The following PAPLN variants were observed in gnomAD, a reference collection of about 807,000 sequenced individuals.
PAPLN encodes papilin, proteoglycan like sulfated glycoprotein, also known as papilin.
PAPLN carries 146 observed loss-of-function variants against 159.0 expected under a neutral mutation model. That is an observed-to-expected ratio of 0.92 (90% CI 0.80 to 1.05). The LOEUF (loss-of-function observed/expected upper bound fraction) is 1.05, where lower values mean the gene tolerates loss of function less well. Ranked by LOEUF, PAPLN falls within the 50% of genes least tolerant of loss-of-function variation. The pLI is 0.00. For synonymous variants in PAPLN, 734 were observed against 702.9 expected (o/e 1.04, Z -0.70); for missense variants, 1,720 against 1,743.9 (o/e 0.99, Z 0.24).
chr14:73,262,730 G>T lies in PAPLN; in HGVS notation c.2626G>T (p.Gly876Ter). 1 of 1,512,908 alleles carries T rather than the reference G, an allele frequency of 6.6e-7. No individual in the cohort carries two copies. The highest frequency in any genetic ancestry group is 1.4e-5 in the South Asian group (1 of 73,196). The allele number at this position is 1,512,908 out of a possible 1,614,324, so 93.7% of individuals were successfully genotyped here. A position where few individuals can be genotyped will look rare whatever the true frequency, so the allele number is the denominator to read the frequency against. The change falls in exon 19 of 27, where the codon GGA (glycine) becomes TGA (stop). Residue 876 changes from glycine to a stop codon, truncating the protein, a stop_gained. Transcript: ENST00000644200. LOFTEE classifies it high-confidence loss of function. ...PGEAPHTQAF[G>*]EWPWGQELGS... is the part of the protein sequence containing the mutation. ...GGAGGCCCCCCACACCCAGGCCTTT[G>T]GAGAATGGCCATGGGGGCAGGAGCT...
chr14:73,250,717 G>A (rs115894454), intron 6 of PAPLN, among the ~76,000 whole-genome samples, 190 bp from the exon 7 acceptor site: 295 of 152,338 alleles, frequency 1.9e-3, no homozygotes, highest in African/African-American at 6.9e-3. Flanking sequence ...ACCAGAAGGG[G>A]AGATGGGAGC....
chr14:73,243,762 A>G (rs1187348332), intron 2 of PAPLN: 1 of 152,168 alleles, frequency 6.6e-6, no homozygotes, highest in Non-Finnish European at 1.5e-5. Flanking sequence ...AGAGTCCCAA[A>G]TAACAGTTCT....
chr14:73,258,926 C>T lies in PAPLN; in HGVS notation c.1628-53C>T. 2.0e-6 allele frequency: 3 copies of T among 1,521,440 alleles called. No individual in the cohort carries two copies. In the Admixed American group the frequency reaches 5.9e-5, roughly 30 times the overall value. 94.2% of individuals were successfully genotyped at this position (1,521,440 alleles called of 1,614,324 possible). A position where few individuals can be genotyped will look rare whatever the true frequency, so the allele number is the denominator to read the frequency against. ...GGGCAGGGCTGGCCACAGCTCAGGT[C>T]CATCCTCTCTTCCTCCCTCTCCGTC... On this transcript the variant is annotated intron_variant, in intron 14 of 26. Transcript: ENST00000644200.
Position 73,268,714 on chromosome 14 carries a change from G to A in PAPLN, c.3658G>A (p.Val1220Ile). 1 of 1,610,772 alleles carries A rather than the reference G, an allele frequency of 6.2e-7. No individual in the cohort carries two copies. Among genetic ancestry groups the A allele is most frequent in the Non-Finnish European group, 8.5e-7 (1 of 1,178,432 alleles). Residue 1220 changes from valine to isoleucine, a missense_variant, in exon 26 of 27, where the codon GTC (valine) becomes ATC (isoleucine). Physicochemically the swap from Val to Ile is conservative, Grantham distance 29. Transcript: ENST00000644200. Reference protein sequence around the residue: ...AVSRSTEVKVVSPAPTAQPRD... With the variant: ...AVSRSTEVKVISPAPTAQPRD... ...CAGCCGCAGCACCGAGGTGAAGGTG[G>A]TCTCACCAGGTAGGAAAGGTCTATA...
rs188222088 is a variant in PAPLN at position 73,265,380 on chromosome 14, G to A, written c.3136G>A (p.Asp1046Asn). Residue 1046 changes from aspartate (D) to asparagine (N), a missense_variant, in exon 23 of 27, where the codon GAC (aspartate) becomes AAC (asparagine). Physicochemically the swap from Asp to Asn is conservative, Grantham distance 23. Transcript: ENST00000644200. The surrounding 1 kb of genome is among the most constrained non-coding windows in gnomAD (Gnocchi z 4.1). ...HPQPANRLRL[D>N]QNQPRVVDAS... is the part of the protein sequence containing the mutation. Reference sequence around the variant, plus strand: ...CTGCTTGTTTGGCAGGCTGCGTTTGGACCAGAACCAGCCCCGGGTGGTGGA... The same window carrying A: ...CTGCTTGTTTGGCAGGCTGCGTTTGAACCAGAACCAGCCCCGGGTGGTGGA... The A allele has an allele frequency of 1.9e-5, 30 of 1,609,980 alleles. No individual in the cohort carries two copies. In the African/African-American group the frequency reaches 2.9e-4, roughly 16 times the overall value.
intron 18 of PAPLN, among the ~76,000 whole-genome samples, chr14:73,261,518 G>C (rs935959503): frequency 3.9e-5 from 6 of 152,374 alleles, no homozygotes; most frequent in Non-Finnish European, 8.8e-5. Context: ...TGGGAACTGG[G>C]GAGGGTGGGA....
Position 73,250,205 on chromosome 14 carries a change from C to G in PAPLN, c.465+91C>G, listed in dbSNP as rs373910946. Reference sequence around the variant, plus strand: ...GTCCATCACCCATAGGCCCAGGTAGCTGCCATGAGCTTGGTGTCTTCTCAA... The same window carrying G: ...GTCCATCACCCATAGGCCCAGGTAGGTGCCATGAGCTTGGTGTCTTCTCAA... On this transcript the variant is annotated intron_variant, in intron 6 of 26. Coordinates refer to ENST00000644200, the MANE Select transcript of PAPLN (RefSeq NM_001365906.3). 6.5e-5 allele frequency: 92 copies of G among 1,419,252 alleles called. No individual in the cohort carries two copies. The East Asian group carries it at 2.0e-3, about 31-fold the overall frequency. 87.9% of individuals were successfully genotyped at this position (1,419,252 alleles called of 1,614,324 possible).
chr14:73,264,475 A>G (rs1308240811), intron 21 of PAPLN, 113 bp from the exon 22 acceptor site: 4 of 1,519,200 alleles, frequency 2.6e-6, no homozygotes, highest in Non-Finnish European at 8.9e-7. Flanking sequence ...GCTGGCAGGG[A>G]CCACCCTGTG....
At chr14:73,257,397 T>C (rs1408480846) in intron 14 of PAPLN, among the ~76,000 whole-genome samples, 1 of 81,440 alleles carries the variant, frequency 1.2e-5, no homozygotes, top group Non-Finnish European at 2.5e-5. Context: ...ACTTTCACTA[T>C]GGGCATTATT....
At chr14:73,266,245 G>C (rs1887202092) in intron 23 of PAPLN, among the ~76,000 whole-genome samples, 1 of 152,196 alleles carries the variant, frequency 6.6e-6, no homozygotes, top group Non-Finnish European at 1.5e-5. Flanking sequence ...GGCTGAGGGA[G>C]AATTGCTTGA....
At position 73,262,491 on chromosome 14, in the gene PAPLN, C is replaced by T. The variant is rs771754670; in HGVS notation, c.2387C>T (p.Ser796Leu). The T allele has an allele frequency of 1.6e-5, 25 of 1,596,892 alleles. No individual in the cohort carries two copies. Among genetic ancestry groups the T allele is most frequent in the East Asian group, 9.1e-5 (4 of 43,844 alleles). ...CATGGCAATGCCAATAACTTTGCCT[C>T]GGAGCAAGAGTGCATGAGCAGCTGC... ...GCHGNANNFA[S>L]EQECMSSCQG... The change falls in exon 19 of 27, where the codon TCG becomes TTG. Residue 796 changes from serine (S) to leucine (L), a missense_variant. By Grantham distance (145) the Ser-to-Leu change is moderately radical. Coordinates refer to ENST00000644200, the MANE Select transcript of PAPLN (RefSeq NM_001365906.3).
At position 73,258,987 on chromosome 14, in the gene PAPLN, A is replaced by C. The variant is rs1201316755; in HGVS notation, c.1636A>C (p.Ser546Arg). Residue 546 changes from serine to arginine, a missense_variant, in exon 15 of 27, where the codon AGC becomes CGC. Coordinates refer to ENST00000644200, the MANE Select transcript of PAPLN (RefSeq NM_001365906.3). ...CTCCCGGCTCCCTGCAGAGGTCCCC[A>C]GCATGCAGGATGTGCACACCCCTGC... ...QPCHLPQEVP[S>R]MQDVHTPASN... 6.2e-7 allele frequency: 1 copy of C among 1,611,010 alleles called. No individual in the cohort carries two copies. Among genetic ancestry groups the C allele is most frequent in the Non-Finnish European group, 8.5e-7 (1 of 1,178,648 alleles).
intron 16 of PAPLN, 39 bp from the exon 17 acceptor site, chr14:73,260,670 G>T: frequency 7.1e-7 from 1 of 1,409,084 alleles, no homozygotes. Flanking sequence ...GAGCGTGGGG[G>T]CAGGCTGGGC....
At chr14:73,262,254 G>C in intron 18 of PAPLN, 96 bp from the exon 19 acceptor site, 1 of 1,233,120 alleles carries the variant, frequency 8.1e-7, no homozygotes, top group Non-Finnish European at 1.1e-6. Context: ...TATAAGTGGG[G>C]AAGGGCCTGC....
At chr14:73,263,568 C>G in intron 19 of PAPLN, 77 bp from the exon 20 acceptor site, 3 of 1,588,590 alleles carry the variant, frequency 1.9e-6, no homozygotes, top group Non-Finnish European at 2.6e-6. Flanking sequence ...AGCTGTCTGT[C>G]ATGGAACACA....
In PAPLN at chr14:73,266,489, C is replaced by T. The variant is rs372783536; in HGVS notation, c.3264-12C>T. ...CTTGGGCTGGAGCCAACTGGCTGTA[C>T]TTGGTCCCCAGACACCAGCTGCAGC... On this transcript the variant is annotated splice_polypyrimidine_tract_variant and intron_variant, in intron 23 of 26. Transcript: ENST00000644200. 45 of 1,613,368 alleles carry T rather than the reference C, an allele frequency of 2.8e-5. No homozygotes were observed. In the Middle Eastern group the frequency reaches 4.9e-4, roughly 18 times the overall value.
rs1403308916 is a variant in PAPLN, at chr14:73,259,435, A to C, written c.1875A>C (p.Ser625=). 6.2e-7 allele frequency: 1 copy of C among 1,612,724 alleles called. No homozygotes were observed. The highest frequency in any genetic ancestry group is 2.2e-5 in the East Asian group (1 of 44,866). The change falls in exon 16 of 27, where the codon TCA becomes TCC. Residue 625 remains serine (S), a synonymous_variant. Transcript: ENST00000644200. ...ACCAGCAACCCCTGCGGTCGGGCTC[A>C]GGGCCCCACGACTGCAGACACAGTC... The part of the protein sequence containing the change: ...PPYQQPLRSG[S]GPHDCRHSPH...
chr14:73,253,177 C>T (rs996981387), intron 11 of PAPLN: 19 of 1,363,598 alleles, frequency 1.4e-5, no homozygotes, highest in Admixed American at 7.6e-5. Context: ...TTACCTGCAC[C>T]GGCCTGGAGC....
At position 73,253,956 on chromosome 14, in the gene PAPLN, G is replaced by A; in HGVS notation, c.1297G>A (p.Gly433Arg). 6.2e-7 allele frequency: 1 copy of A among 1,610,130 alleles called. No individual in the cohort carries two copies. Among genetic ancestry groups the A allele is most frequent in the Non-Finnish European group, 8.5e-7 (1 of 1,179,288 alleles). The stretch of plus-strand genomic sequence containing the variant: ...TGCAGCCTGGAGCCCGGAGCCCTGG[G>A]GAGAGGTCAGGCCCCTGGCCCGCAT... ...RCAAWSPEPWGECSVSCGVGV... is the reference protein window; with the variant it reads ...RCAAWSPEPWRECSVSCGVGV... The change falls in exon 12 of 27, where the codon GGA (glycine) becomes AGA (arginine). Residue 433 changes from glycine (G) to arginine (R), a missense_variant. Gly to Arg is a moderately radical substitution (Grantham distance 125, BLOSUM62 -2). Coordinates refer to ENST00000644200, the MANE Select transcript of PAPLN (RefSeq NM_001365906.3).
Sources: allele counts gnomAD v4.1 joint callset (sites outside exome capture counted in the v4.1 genomes callset), GRCh38; gene constraint gnomAD v4.1.1; non-coding constraint Gnocchi (gnomAD v3.1); transcripts MANE v1.5; gene names NCBI Gene and HGNC (gene_info 2026-07-23, HGNC 2026-07-21).